ITIH6: variants seen among roughly 807,000 people sequenced by gnomAD.
ITIH6 encodes inter-alpha-trypsin inhibitor heavy chain family member 6, also known as inter-alpha-trypsin inhibitor heavy chain H6.
ITIH6 carries 60 observed loss-of-function variants against 58.2 expected under a neutral mutation model. The observed-to-expected ratio is 1.03, with a 90% CI of 0.84 to 1.28. The LOEUF (loss-of-function observed/expected upper bound fraction) is 1.28, where lower values mean the gene tolerates loss of function less well. Among genes scored for constraint, ITIH6 ranks in the 50% most tolerant of loss-of-function variants. The pLI, the probability that ITIH6 is intolerant of heterozygous loss-of-function variation, is 0.00. For synonymous variants in ITIH6, 493 were observed against 417.4 expected, an observed-to-expected ratio of 1.18 and a Z score of -2.21; for missense variants, 1,290 against 1,021.1, an observed-to-expected ratio of 1.26 and a Z score of -3.59.
intron 6 of ITIH6, among the ~76,000 whole-genome samples, chrX:54,760,301 T>C (rs1928607643): frequency 9.0e-6 from 1 of 111,637 alleles, no homozygotes; most frequent in Non-Finnish European, 1.9e-5. Context: ...ATTTCCATCA[T>C]CACGAAAGTC....
chrX:54,769,638 G>T (rs1332306139), intron 6 of ITIH6, among the ~76,000 whole-genome samples: 121 of 101,532 alleles, frequency 1.2e-3, no homozygotes, highest in African/African-American at 4.5e-3. Flanking sequence ...ATGCCCTGCC[G>T]TGTGAGGTGT....
At chrX:54,764,466 G>A (rs1268004473) in intron 6 of ITIH6, among the ~76,000 whole-genome samples, 2 of 103,839 alleles carry the variant, frequency 1.9e-5, no homozygotes, top group Non-Finnish European at 2.0e-5. Flanking sequence ...GTGTCCATGC[G>A]ATCTCATTGT....
chrX:54,766,342 A>C (rs1368335865), intron 6 of ITIH6, among the ~76,000 whole-genome samples: 1 of 85,447 alleles, frequency 1.2e-5, no homozygotes, highest in Non-Finnish European at 2.3e-5. Context: ...AAACAGGGAC[A>C]ATTTGACTTC....
At chrX:54,777,754 G>A (rs1219482235) in intron 5 of ITIH6, among the ~76,000 whole-genome samples, 1 of 112,343 alleles carries the variant, frequency 8.9e-6, no homozygotes, top group Admixed American at 9.4e-5. Context: ...ACGAGGCTTG[G>A]GGTGACCCCT....
Position 54,749,095 on chromosome X carries a change from C to T in ITIH6, c.*800G>A, listed in dbSNP as rs921738241. ...TGTCACTGTTTTTCCGGGTGTGATC[C>T]TGTGTCTTTGGTTGTGAGTATGTAT... On this transcript the variant is annotated 3_prime_UTR_variant, in exon 13 of 13. Coordinates refer to ENST00000218436, the MANE Select transcript of ITIH6 (RefSeq NM_198510.3). 8.9e-6 allele frequency: 1 copy of T among 111,793 alleles called. No homozygotes were observed. The highest frequency in any genetic ancestry group is 1.9e-5 in the Non-Finnish European group (1 of 53,185). 9.2% of individuals were successfully genotyped at this position (111,793 alleles called of 1,213,427 possible). A position where few individuals can be genotyped will look rare whatever the true frequency, so the allele number is the denominator to read the frequency against.
chrX:54,795,330 T>C (rs978923056), intron 2 of ITIH6, among the ~76,000 whole-genome samples: 35 of 112,760 alleles, frequency 3.1e-4, no homozygotes, highest in African/African-American at 1.1e-3. Flanking sequence ...TTAATATTTA[T>C]ATGCTTCATA....
intron 3 of ITIH6, 56 bp from the exon 4 acceptor site, chrX:54,791,140 G>A: frequency 8.6e-7 from 1 of 1,159,083 alleles, no homozygotes; most frequent in Non-Finnish European, 1.2e-6. Flanking sequence ...AGGAGTACAG[G>A]GGCTGTTAGA....
At position 54,749,248 on chromosome X, in the gene ITIH6, G is replaced by T. The variant is rs1307921368; in HGVS notation, c.*647C>A. The T allele has an allele frequency of 9.0e-6, 1 of 111,577 alleles. No individual in the cohort carries two copies. Among genetic ancestry groups the T allele is most frequent in the Non-Finnish European group, 1.9e-5 (1 of 53,171 alleles). The allele number at this position is 111,577 out of a possible 1,213,427, so 9.2% of individuals were successfully genotyped here. A position where few individuals can be genotyped will look rare whatever the true frequency, so the allele number is the denominator to read the frequency against. On this transcript the variant is annotated 3_prime_UTR_variant, in exon 13 of 13. Coordinates refer to ENST00000218436, the MANE Select transcript of ITIH6 (RefSeq NM_198510.3). ...GGGATACATAGATGATTCAGAAAAG[G>T]TCCTTGCCCTCAAAGATCTCACAGT...
intron 6 of ITIH6, among the ~76,000 whole-genome samples, chrX:54,771,410 G>C (rs1269550713): frequency 9.0e-6 from 1 of 111,592 alleles, no homozygotes; most frequent in Non-Finnish European, 1.9e-5. Context: ...TTAGCTTCAG[G>C]AATTTCTATG....
intron 6 of ITIH6, among the ~76,000 whole-genome samples, chrX:54,762,983 A>T (rs1928683341): frequency 8.9e-6 from 1 of 112,149 alleles, no homozygotes; most frequent in African/African-American, 3.2e-5. Flanking sequence ...CTCATTTTAC[A>T]GGTGATGACA....
chrX:54,759,067 C>T, intron 7 of ITIH6, 69 bp from the exon 8 acceptor site: 1 of 781,569 alleles, frequency 1.3e-6, no homozygotes, highest in Non-Finnish European at 1.8e-6. Flanking sequence ...ACACACTGGG[C>T]ACCTCATCAA....
At chrX:54,767,881 G>T (rs1928834216) in intron 6 of ITIH6, among the ~76,000 whole-genome samples, 1 of 73,913 alleles carries the variant, frequency 1.4e-5, no homozygotes, top group Non-Finnish European at 2.4e-5. Context: ...ATTTGGGGTG[G>T]AGAGTTCTGT....
At chrX:54,789,652 A>G (rs938397000) in intron 4 of ITIH6, among the ~76,000 whole-genome samples, 3 of 112,510 alleles carry the variant, frequency 2.7e-5, no homozygotes, top group South Asian at 3.7e-4. Context: ...CAAGCGACTC[A>G]TTCTCTCTAA....
chrX:54,752,005 C>T (rs1282873425), intron 11 of ITIH6, among the ~76,000 whole-genome samples: 1 of 110,887 alleles, frequency 9.0e-6, no homozygotes, highest in Admixed American at 9.6e-5. Context: ...ACTTGTATGC[C>T]CGAGTGTGTT....
At position 54,756,958 on chromosome X, in the gene ITIH6, C is replaced by G; in HGVS notation, c.3109+7G>C. On this transcript the variant is annotated splice_region_variant and intron_variant, in intron 8 of 12. Transcript: ENST00000218436. ...TCATGGCTCGACCTCTTACCCATGG[C>G]ACTCACCATCTTCATCAGGAGTGAG... is the stretch of plus-strand genomic sequence containing the variant. The G allele has an allele frequency of 8.8e-7, 1 of 1,132,281 alleles. No individual in the cohort carries two copies. Among genetic ancestry groups the G allele is most frequent in the Non-Finnish European group, 1.2e-6 (1 of 840,804 alleles). The allele number at this position is 1,132,281 out of a possible 1,213,427, so 93.3% of individuals were successfully genotyped here. A position where few individuals can be genotyped will look rare whatever the true frequency, so the allele number is the denominator to read the frequency against.
At chrX:54,777,201 G>A (rs1219440759) in intron 5 of ITIH6, among the ~76,000 whole-genome samples, 1 of 112,845 alleles carries the variant, frequency 8.9e-6, no homozygotes, top group African/African-American at 3.2e-5. Context: ...CAATGGCCAT[G>A]AGGTGAGGCT....
intron 2 of ITIH6, among the ~76,000 whole-genome samples, chrX:54,794,187 T>C (rs1929399167): frequency 9.1e-6 from 1 of 109,454 alleles, no homozygotes; most frequent in African/African-American, 3.3e-5. Flanking sequence ...CCCCAAGGTC[T>C]CCTGGGGGGT....
At chrX:54,755,153 G>A (rs1928461092) in intron 8 of ITIH6, 44 bp from the exon 9 acceptor site, 1 of 1,098,607 alleles carries the variant, frequency 9.1e-7, no homozygotes, top group East Asian at 3.0e-5. Flanking sequence ...AAATTCCAGG[G>A]GCAAAGTCTC....
chrX:54,759,138 A>C, intron 7 of ITIH6, 140 bp from the exon 8 acceptor site: 2 of 448,484 alleles, frequency 4.5e-6, no homozygotes, highest in Non-Finnish European at 3.8e-6. Context: ...CTCCTTCCCA[A>C]CTTCTCCACT....
Sources: gnomAD v4.1 joint callset for allele counts (sites outside exome capture counted in the v4.1 genomes callset) on GRCh38, gnomAD v4.1.1 for gene constraint, MANE v1.5 for transcripts, NCBI Gene and HGNC (gene_info 2026-07-23, HGNC 2026-07-21) for gene names.